Variants in TIPIN observed in about 807,000 individuals in gnomAD.
The protein encoded by TIPIN is TIMELESS interacting protein, also known as TIMELESS-interacting protein.
In TIPIN, 29 loss-of-function variants were observed where a neutral mutation model predicts 35.6. That is an observed-to-expected ratio of 0.82 (90% CI 0.61 to 1.11). TIPIN has a LOEUF of 1.11. TIPIN is among the 50% of genes most tolerant of loss of function. The probability of loss-of-function intolerance (pLI) is 0.00; values close to 1 mark genes in which losing one functional copy is unlikely to be tolerated. For synonymous variants in TIPIN, 102 were observed against 121.5 expected (o/e 0.84, Z 1.06); for missense variants, 296 against 345.4 (o/e 0.86, Z 1.13).
chr15:66,357,940 A>G (rs2093214326), upstream of TIPIN, among the ~76,000 whole-genome samples: 1 of 151,790 alleles, frequency 6.6e-6, no homozygotes, highest in Non-Finnish European at 1.5e-5. Context: ...TGGGCGACGG[A>G]GCAAGACTCT....
At chr15:66,349,692 A>G (rs1030439639) in intron 4 of TIPIN, among the ~76,000 whole-genome samples, 10 of 152,140 alleles carry the variant, frequency 6.6e-5, no homozygotes, top group African/African-American at 2.2e-4. Context: ...CAGCCTGGGA[A>G]ACATGGTGAG....
chr15:66,347,591 GT>G (rs979638825), intron 6 of TIPIN, among the ~76,000 whole-genome samples: 6 of 151,538 alleles, frequency 4.0e-5, no homozygotes, highest in Non-Finnish European at 8.8e-5. Flanking sequence ...CCAAGGCTTT[GT>G]TTTTTTTGAG....
intron 1 of TIPIN, chr15:66,383,659 C>T (rs992647508): frequency 2.1e-5 from 17 of 829,210 alleles, no homozygotes; most frequent in South Asian, 5.5e-5. Context: ...CACACACATG[C>T]ATACATTTAC....
intron 7 of TIPIN, among the ~76,000 whole-genome samples, chr15:66,340,742 G>A (rs2093080617): frequency 6.6e-6 from 1 of 151,798 alleles, no homozygotes; most frequent in Admixed American, 6.6e-5. Flanking sequence ...GATTACTGGT[G>A]TGCACCACCA....
intron 1 of TIPIN, among the ~76,000 whole-genome samples, chr15:66,373,441 T>C (rs564418535): frequency 3.2e-4 from 47 of 146,590 alleles, no homozygotes; most frequent in African/African-American, 1.1e-3. Flanking sequence ...TGCAGTGAGC[T>C]GAGATCGCAC....
At chr15:66,374,558 G>A (rs1001978081) in intron 1 of TIPIN, among the ~76,000 whole-genome samples, 1 of 151,472 alleles carries the variant, frequency 6.6e-6, no homozygotes, top group Non-Finnish European at 1.5e-5. Context: ...CACCATCCTC[G>A]GCTAATTTTT....
At chr15:66,349,963 GTTT>G (rs2093156111) in intron 4 of TIPIN, among the ~76,000 whole-genome samples, 1 of 151,494 alleles carries the variant, frequency 6.6e-6, no homozygotes, top group Non-Finnish European at 1.5e-5. Flanking sequence ...TGTTTTTTTG[GTTT>G]TTTTGGTTTT....
chr15:66,337,779 AT>A (rs386419552), intron 7 of TIPIN, among the ~76,000 whole-genome samples: 6,490 of 91,006 alleles, frequency 0.071, 175 homozygotes, highest in Non-Finnish European at 0.12. Flanking sequence ...AAAAAATAAA[AT>A]AAAAAAAAAA....
intron 1 of TIPIN, among the ~76,000 whole-genome samples, chr15:66,355,185 C>T (rs1485460588): frequency 6.6e-6 from 1 of 151,690 alleles, no homozygotes; most frequent in East Asian, 2.0e-4. Flanking sequence ...AGGCGCCTGC[C>T]ACCACGCCCG....
intron 1 of TIPIN, among the ~76,000 whole-genome samples, chr15:66,383,987 T>C (rs888485338): frequency 2.6e-5 from 4 of 152,094 alleles, no homozygotes; most frequent in Admixed American, 2.0e-4. Flanking sequence ...AATTTATTTT[T>C]ATTTATTTAA....
At chr15:66,381,644 A>G (rs1407750100) in intron 1 of TIPIN, among the ~76,000 whole-genome samples, 1 of 152,194 alleles carries the variant, frequency 6.6e-6, no homozygotes, top group African/African-American at 2.4e-5. Flanking sequence ...AAATAATACT[A>G]TGTTGATCAT....
intron 1 of TIPIN, among the ~76,000 whole-genome samples, chr15:66,355,744 C>G (rs1254840110): frequency 6.6e-6 from 1 of 152,172 alleles, no homozygotes; most frequent in Non-Finnish European, 1.5e-5. Context: ...GAGCGAGACT[C>G]CGTTTCAAAA....
intron 1 of TIPIN, chr15:66,383,053 G>A: frequency 4.2e-6 from 4 of 962,128 alleles, no homozygotes; most frequent in Non-Finnish European, 4.9e-6. Context: ...AAGGGCTTAG[G>A]GTTTACTCAG....
intron 2 of TIPIN, 121 bp downstream of exon 2, chr15:66,352,694 G>C (rs1346323486): frequency 9.3e-7 from 1 of 1,072,240 alleles, no homozygotes; most frequent in Non-Finnish European, 1.3e-6. Context: ...TGTTGGCCAG[G>C]CTGGTCTCAA....
upstream of TIPIN, among the ~76,000 whole-genome samples, chr15:66,357,033 C>A (rs1211058466): frequency 6.6e-6 from 1 of 152,124 alleles, no homozygotes; most frequent in African/African-American, 2.4e-5. Context: ...CCTCCCACCT[C>A]AGCCTCCCTT....
At chr15:66,379,436 C>A (rs2093309744) in intron 1 of TIPIN, 2 of 1,603,744 alleles carry the variant, frequency 1.2e-6, no homozygotes, top group Non-Finnish European at 1.7e-6. Flanking sequence ...CTTGCTGAAT[C>A]AAAGCCGCTG....
intron 1 of TIPIN, among the ~76,000 whole-genome samples, chr15:66,383,182 A>T: frequency 6.6e-6 from 1 of 152,148 alleles, no homozygotes; most frequent in East Asian, 1.9e-4. Flanking sequence ...AAGTCCTAAT[A>T]GTTTTTATTT....
chr15:66,345,131 G>A (rs2093115583), intron 6 of TIPIN, among the ~76,000 whole-genome samples: 1 of 152,180 alleles, frequency 6.6e-6, no homozygotes. Context: ...AACTATAACA[G>A]TGTAATGGGG....
At chr15:66,348,899 T>G (rs2093147419) in intron 6 of TIPIN, among the ~76,000 whole-genome samples, 161 bp downstream of exon 6, 3 of 152,136 alleles carry the variant, frequency 2.0e-5, no homozygotes, top group Non-Finnish European at 1.5e-5. Flanking sequence ...AAGCTATGAT[T>G]GTGCTACTGC....
Sources: gnomAD v4.1 joint callset for allele counts (sites outside exome capture counted in the v4.1 genomes callset) on GRCh38, gnomAD v4.1.1 for gene constraint, MANE v1.5 for transcripts, NCBI Gene and HGNC (gene_info 2026-07-23, HGNC 2026-07-21) for gene names.